The following ARL15 variants were observed in gnomAD, a reference collection of about 807,000 sequenced individuals.
ARL15 encodes the protein ADP-ribosylation factor-like protein 15.
Under a neutral mutation model 25.2 loss-of-function variants are expected in ARL15, and 19 were observed. The ratio of observed to expected loss-of-function variants is 0.75; its 90% CI spans 0.53 to 1.10. The LOEUF is 1.10. Ranked by LOEUF, ARL15 falls within the 50% of genes least tolerant of loss-of-function variation. ARL15 has a pLI of 0.00. For missense variants in ARL15, 220 were observed against 246.0 expected (o/e 0.89, Z 0.71); for synonymous variants, 94 against 86.8 (o/e 1.08, Z -0.46).
At chr5:54,218,791 T>C (rs558000777) in intron 1 of ARL15, among the ~76,000 whole-genome samples, 6 of 152,324 alleles carry the variant, frequency 3.9e-5, no homozygotes, top group Admixed American at 3.9e-4. Context: ...TCTATCAGTT[T>C]TGTAACTTAA....
At chr5:54,051,334 G>A (rs941486497) in intron 4 of ARL15, among the ~76,000 whole-genome samples, 3 of 152,168 alleles carry the variant, frequency 2.0e-5, no homozygotes, top group African/African-American at 7.2e-5. Flanking sequence ...ACCAAGGCTG[G>A]AGTTTGAAGT....
intron 4 of ARL15, among the ~76,000 whole-genome samples, chr5:54,004,494 CAA>C (rs10587860): frequency 0.21 from 26,619 of 126,074 alleles, 2,752 homozygotes; most frequent in East Asian, 0.49. Flanking sequence ...GACTGTGTCT[CAA>C]AAAAAAAAAA....
intron 4 of ARL15, among the ~76,000 whole-genome samples, chr5:54,045,407 A>T (rs1750474279): frequency 6.6e-6 from 1 of 152,214 alleles, no homozygotes; most frequent in South Asian, 2.1e-4. Context: ...GAACTCCAAA[A>T]TTCTCCTAAA....
intron 4 of ARL15, among the ~76,000 whole-genome samples, chr5:54,080,988 T>C (rs572370700): frequency 6.6e-6 from 1 of 152,270 alleles, no homozygotes; most frequent in East Asian, 1.9e-4. Flanking sequence ...GCTCTTTCAC[T>C]CCTTCTTCCT....
intron 3 of ARL15, among the ~76,000 whole-genome samples, chr5:54,127,936 T>C (rs1329879357): frequency 6.6e-6 from 1 of 152,066 alleles, no homozygotes; most frequent in African/African-American, 2.4e-5. Flanking sequence ...CCCTATTTAA[T>C]AAATGGTGCT....
chr5:53,939,858 C>G (rs1746478862), intron 4 of ARL15, among the ~76,000 whole-genome samples: 1 of 151,996 alleles, frequency 6.6e-6, no homozygotes, highest in African/African-American at 2.4e-5. Flanking sequence ...TAAAATTAAA[C>G]ACTGATTCAA....
intron 4 of ARL15, among the ~76,000 whole-genome samples, chr5:54,098,422 C>T (rs1487957522): frequency 6.6e-6 from 1 of 152,076 alleles, no homozygotes; most frequent in Non-Finnish European, 1.5e-5. Context: ...AGCCATCCTC[C>T]GTCAAAGCAC....
At position 53,891,857 on chromosome 5, in the gene ARL15, A is replaced by G. The variant is rs545637475; in HGVS notation, c.463-5144T>C. ...GTCCTGAACGAGACTGGAGAGTGTG[A>G]GAAGGCAGCTCGGGTGCCAGCACTC... On this transcript the variant is annotated intron_variant, in intron 4 of 4. Coordinates refer to ENST00000504924, the MANE Select transcript of ARL15 (RefSeq NM_019087.3). Among the ~76,000 whole-genome samples, 8 of 152,330 alleles carry G rather than the reference A, an allele frequency of 5.3e-5. No homozygotes were observed. The East Asian group carries it at 1.5e-3, about 29-fold the overall frequency.
intron 4 of ARL15, among the ~76,000 whole-genome samples, chr5:53,936,840 T>A (rs1381280855): frequency 6.6e-6 from 1 of 152,194 alleles, no homozygotes; most frequent in African/African-American, 2.4e-5. Flanking sequence ...GAATTCTGGT[T>A]TCTTGCCCAG....
At chr5:54,274,081 T>C (rs1757859105) in intron 1 of ARL15, among the ~76,000 whole-genome samples, 2 of 152,242 alleles carry the variant, frequency 1.3e-5, no homozygotes, top group African/African-American at 4.8e-5. Context: ...TGAGGACTGC[T>C]AGGATCGTGA....
chr5:54,128,209 A>AT (rs1753320288), intron 3 of ARL15, among the ~76,000 whole-genome samples: 1 of 152,244 alleles, frequency 6.6e-6, no homozygotes, highest in African/African-American at 2.4e-5. Context: ...GCCTTCCTTA[A>AT]TTTTATTTTT....
At chr5:54,310,338 A>G in intron 1 of ARL15, 94 bp downstream of exon 1, 2 of 1,421,676 alleles carry the variant, frequency 1.4e-6, no homozygotes, top group South Asian at 2.6e-5. Context: ...TCCTATCCCA[A>G]AGAAAGAAAG....
intron 4 of ARL15, among the ~76,000 whole-genome samples, chr5:54,031,112 T>C (rs943098453): frequency 1.3e-5 from 2 of 152,146 alleles, no homozygotes; most frequent in African/African-American, 4.8e-5. Flanking sequence ...TCTAAGATCA[T>C]GGTTAGAAGA....
At chr5:53,937,901 G>C (rs530849631) in intron 4 of ARL15, among the ~76,000 whole-genome samples, 14 of 151,924 alleles carry the variant, frequency 9.2e-5, no homozygotes, top group Non-Finnish European at 1.3e-4. Context: ...AGGCCAAACA[G>C]TGCACAGCCA....
chr5:54,043,846 T>TAAA (rs34949977), intron 4 of ARL15, among the ~76,000 whole-genome samples: 4 of 143,082 alleles, frequency 2.8e-5, no homozygotes, highest in African/African-American at 1.0e-4. Flanking sequence ...CCCCATCTCT[T>TAAA]AAAAAAAAAA....
At chr5:54,059,307 C>T (rs950405902) in intron 4 of ARL15, among the ~76,000 whole-genome samples, 1 of 152,200 alleles carries the variant, frequency 6.6e-6, no homozygotes, top group African/African-American at 2.4e-5. Context: ...TTAGGGCCTC[C>T]GTTCCGACAG....
intron 1 of ARL15, among the ~76,000 whole-genome samples, chr5:54,261,225 T>C (rs563742639): frequency 6.6e-6 from 1 of 152,354 alleles, no homozygotes; most frequent in Non-Finnish European, 1.5e-5. Context: ...TATGATATTC[T>C]ATAGGCAATA....
intron 4 of ARL15, among the ~76,000 whole-genome samples, chr5:54,100,002 C>T (rs185315148): frequency 6.6e-6 from 1 of 151,896 alleles, no homozygotes; most frequent in Non-Finnish European, 1.5e-5. Context: ...TCCTGTGACC[C>T]CCCCGTAACT....
At chr5:54,269,604 T>C (rs1012462161) in intron 1 of ARL15, among the ~76,000 whole-genome samples, 4 of 152,202 alleles carry the variant, frequency 2.6e-5, no homozygotes, top group African/African-American at 9.6e-5. Flanking sequence ...GATGGATAGG[T>C]TATATTTTTA....
Sources: gnomAD v4.1 joint callset for allele counts (sites outside exome capture counted in the v4.1 genomes callset) on GRCh38, gnomAD v4.1.1 for gene constraint, MANE v1.5 for transcripts, NCBI Gene and HGNC (gene_info 2026-07-23, HGNC 2026-07-21) for gene names.